The following SNRPA1 variants were observed in gnomAD, a reference collection of about 807,000 sequenced individuals.
SNRPA1 encodes the protein U2 small nuclear ribonucleoprotein A'.
Under a neutral mutation model 32.3 loss-of-function variants are expected in SNRPA1, and 5 were observed. The observed-to-expected ratio is 0.15, with a 90% confidence interval of 0.08 to 0.33. The LOEUF (loss-of-function observed/expected upper bound fraction) is 0.33. SNRPA1 is among the 10% of genes least tolerant of loss of function. The probability of loss-of-function intolerance (pLI) is 1.00; values close to 1 mark genes in which losing one functional copy is unlikely to be tolerated. For missense variants in SNRPA1, 198 were observed against 311.1 expected (o/e 0.64, Z 2.74); for synonymous variants, 111 against 120.1 (o/e 0.92, Z 0.50).
chr15:101,293,803 G>T (rs974874842), intron 1 of SNRPA1, among the ~76,000 whole-genome samples: 2 of 152,212 alleles, frequency 1.3e-5, no homozygotes, highest in Non-Finnish European at 2.9e-5. Context: ...ATATTCCGAA[G>T]AAGCAAGGTC....
chr15:101,293,851 A>G (rs987907060), intron 1 of SNRPA1, among the ~76,000 whole-genome samples: 4 of 152,252 alleles, frequency 2.6e-5, no homozygotes, highest in Admixed American at 2.0e-4. Flanking sequence ...AAAGGACACA[A>G]TTCAGAGCTG....
chr15:101,293,555 C>T (rs1384240983), intron 1 of SNRPA1, among the ~76,000 whole-genome samples: 2 of 152,180 alleles, frequency 1.3e-5, no homozygotes, highest in East Asian at 3.9e-4. Flanking sequence ...GTCTCAGTGC[C>T]CAAACGGCGT....
chr15:101,287,185 C>T (rs756224529), intron 4 of SNRPA1, among the ~76,000 whole-genome samples, 175 bp from the exon 5 acceptor site: 1 of 151,640 alleles, frequency 6.6e-6, no homozygotes, highest in African/African-American at 2.4e-5. Context: ...GTAAAAGGCA[C>T]TTTTTTTTTA....
intron 7 of SNRPA1, 131 bp from the exon 8 acceptor site, chr15:101,285,191 TA>T: frequency 1.6e-6 from 1 of 625,216 alleles, no homozygotes; most frequent in Non-Finnish European, 2.8e-6. Flanking sequence ...TACTTTGGTG[TA>T]GGGGGAAGAA....
At chr15:101,294,834 C>T (rs2039569781) in intron 1 of SNRPA1, 1 of 394,468 alleles carries the variant, frequency 2.5e-6, no homozygotes, top group Non-Finnish European at 4.5e-6. Flanking sequence ...TAACAGGGCC[C>T]CACGAGGACG....
At position 101,286,259 on chromosome 15, in the gene SNRPA1, T is replaced by G; in HGVS notation, c.494A>C (p.Lys165Thr). 1 of 1,614,210 alleles carries G rather than the reference T, an allele frequency of 6.2e-7. No individual in the cohort carries two copies. Among genetic ancestry groups the G allele is most frequent in the Non-Finnish European group, 8.5e-7 (1 of 1,180,044 alleles). The change falls in exon 6 of 9, where the codon AAA (lysine) becomes ACA (threonine). Residue 165 changes from lysine to threonine, a missense_variant. This residue lies in a region of SNRPA1 where 77 missense variants were observed against 120.1 expected (regional missense o/e 0.64). Coordinates refer to ENST00000254193, the MANE Select transcript of SNRPA1 (RefSeq NM_003090.4). ...ATCCTTTGCAAGCTGTGCACCCCGT[T>G]TGCCCTTGAACATTTTCTCTGCTTC... The part of the protein sequence containing the change: ...RQEAEKMFKG[K>T]RGAQLAKDIA...
At chr15:101,288,686 A>G (rs1220440354) in intron 3 of SNRPA1, among the ~76,000 whole-genome samples, 1 of 152,232 alleles carries the variant, frequency 6.6e-6, no homozygotes, top group Non-Finnish European at 1.5e-5. Flanking sequence ...TAAAATAGGA[A>G]CAAGTAGAGA....
rs1433840441 is a variant in SNRPA1 at position 101,285,028 on chromosome 15, T to C, written c.648A>G (p.Glu216=). 6.2e-7 allele frequency: 1 copy of C among 1,613,932 alleles called. No homozygotes were observed. The highest frequency in any genetic ancestry group is 1.1e-5 in the South Asian group (1 of 91,076). Reference sequence around the variant, plus strand: ...GCAGCAACCCCTTCAGCCTCTCCACTTCAGCCAGAGTTGAAGCATTTGCTA... The same window carrying C: ...GCAGCAACCCCTTCAGCCTCTCCACCTCAGCCAGAGTTGAAGCATTTGCTA... ...NAIANASTLA[E]VERLKGLLQS... Residue 216 remains glutamate (E), a synonymous_variant, in exon 8 of 9, where the codon GAA becomes GAG. Transcript: ENST00000254193.
intron 1 of SNRPA1, chr15:101,293,505 C>G (rs1375888654): frequency 6.1e-6 from 1 of 163,684 alleles, no homozygotes; most frequent in Non-Finnish European, 1.3e-5. Flanking sequence ...GCTAGTTAAG[C>G]GGAATCGGCA....
intron 8 of SNRPA1, 149 bp from the exon 9 acceptor site, chr15:101,281,931 C>A: frequency 1.4e-6 from 1 of 706,942 alleles, no homozygotes; most frequent in Non-Finnish European, 2.5e-6. Flanking sequence ...AGGAGCTTAT[C>A]GTCCAGGGAC....
chr15:101,293,731 A>C (rs2039554119), intron 1 of SNRPA1, among the ~76,000 whole-genome samples: 1 of 152,200 alleles, frequency 6.6e-6, no homozygotes, highest in East Asian at 1.9e-4. Context: ...ATCTGTGAAC[A>C]CTCAAATGTT....
At chr15:101,293,873 C>A (rs907882961) in intron 1 of SNRPA1, among the ~76,000 whole-genome samples, 1 of 152,216 alleles carries the variant, frequency 6.6e-6, no homozygotes, top group Non-Finnish European at 1.5e-5. Context: ...ACTACACGTA[C>A]TGCATCAAAA....
intron 8 of SNRPA1, 42 bp from the exon 9 acceptor site, chr15:101,281,824 G>GA (rs2039398478): frequency 1.9e-6 from 3 of 1,580,196 alleles, no homozygotes; most frequent in Non-Finnish European, 2.6e-6. Flanking sequence ...CAATTTTAGA[G>GA]AATCCATTCC....
chr15:101,287,436 T>C (rs1596470963), intron 4 of SNRPA1, among the ~76,000 whole-genome samples: 1 of 152,240 alleles, frequency 6.6e-6, no homozygotes, highest in East Asian at 1.9e-4. Context: ...CATGGGGTGT[T>C]TGGTTTTTTG....
chr15:101,282,226 C>T (rs1039172725), intron 8 of SNRPA1, among the ~76,000 whole-genome samples: 1 of 152,194 alleles, frequency 6.6e-6, no homozygotes, highest in Admixed American at 6.5e-5. Context: ...AAAAATGTTA[C>T]ATTTGTTCAA....
chr15:101,294,174 T>G (rs1049320581), intron 1 of SNRPA1, among the ~76,000 whole-genome samples: 15 of 152,312 alleles, frequency 9.8e-5, no homozygotes, highest in African/African-American at 3.6e-4. Context: ...AGGCGGCGGT[T>G]GCAGTGAGCC....
intron 3 of SNRPA1, among the ~76,000 whole-genome samples, chr15:101,289,082 T>C (rs540951289): frequency 2.0e-5 from 3 of 152,320 alleles, no homozygotes; most frequent in African/African-American, 7.2e-5. Context: ...TCTTCAAATA[T>C]GTCACAAAAA....
rs765318009 is a variant in SNRPA1 at position 101,291,926 on chromosome 15, C to G, written c.309+36G>C. On this transcript the variant is annotated intron_variant, in intron 3 of 8. Coordinates refer to ENST00000254193, the MANE Select transcript of SNRPA1 (RefSeq NM_003090.4). ...AGGAAGCACATAGTACCTTTAACCC[C>G]ACCCACCAAATACATTTTCCTTCTG... The G allele has an allele frequency of 8.7e-6, 12 of 1,380,622 alleles. No homozygotes were observed. In the East Asian group the frequency reaches 2.5e-4, roughly 29 times the overall value. 85.5% of individuals were successfully genotyped at this position (1,380,622 alleles called of 1,614,324 possible).
intron 4 of SNRPA1, 114 bp downstream of exon 4, chr15:101,287,542 C>G: frequency 1.2e-6 from 1 of 818,124 alleles, no homozygotes. Flanking sequence ...GCATAGTATT[C>G]CATGGTGCAT....
Sources: allele counts gnomAD v4.1 joint callset (sites outside exome capture counted in the v4.1 genomes callset), GRCh38; gene constraint gnomAD v4.1.1; regional missense constraint gnomAD v4.1.1; transcripts MANE v1.5; gene names NCBI Gene and HGNC (gene_info 2026-07-23, HGNC 2026-07-21).